The following EPHA3 variants were observed in gnomAD, a reference collection of about 807,000 sequenced individuals.
EPHA3 encodes the protein EPH receptor A3.
A neutral mutation model predicts 107.1 loss-of-function variants in EPHA3; 42 were observed. The observed-to-expected ratio is 0.39, with a 90% CI of 0.31 to 0.51. The LOEUF (loss-of-function observed/expected upper bound fraction) is 0.51. Ranked by LOEUF, EPHA3 falls within the 20% of genes least tolerant of loss-of-function variation. The probability of loss-of-function intolerance (pLI) is 0.78; values close to 1 mark genes in which losing one functional copy is unlikely to be tolerated. For missense variants in EPHA3, 1,183 were observed against 1,211.2 expected, an observed-to-expected ratio of 0.98 and a Z score of 0.35; for synonymous variants, 461 against 424.8, an observed-to-expected ratio of 1.09 and a Z score of -1.05.
intron 2 of EPHA3, among the ~76,000 whole-genome samples, chr3:89,140,934 A>T (rs1054788636): frequency 6.6e-6 from 1 of 151,700 alleles, no homozygotes; most frequent in African/African-American, 2.4e-5. Context: ...CTAAAGGGCT[A>T]TATACTATTC....
At position 89,480,715 on chromosome 3, in the gene EPHA3, G is replaced by T; in HGVS notation, c.*1213G>T. 1 of 232,658 alleles carries T rather than the reference G, an allele frequency of 4.3e-6. No individual in the cohort carries two copies. The highest frequency in any genetic ancestry group is 8.5e-6 in the Non-Finnish European group (1 of 117,476). 14.4% of individuals were successfully genotyped at this position (232,658 alleles called of 1,614,324 possible). A position where few individuals can be genotyped will look rare whatever the true frequency, so the allele number is the denominator to read the frequency against. ...CTGTTTATAGAGAATGATGATAACA[G>T]AACTTTTCCTCTGTATCACTGGTGT... On this transcript the variant is annotated 3_prime_UTR_variant, in exon 17 of 17. Coordinates refer to ENST00000336596, the MANE Select transcript of EPHA3 (RefSeq NM_005233.6).
chr3:89,280,019 G>A (rs1057406253), intron 3 of EPHA3, among the ~76,000 whole-genome samples: 33 of 144,638 alleles, frequency 2.3e-4, no homozygotes, highest in African/African-American at 8.3e-4. Context: ...CAATTCTTGT[G>A]TGCACCTGTG....
At chr3:89,439,633 T>A (rs909130150) in intron 13 of EPHA3, among the ~76,000 whole-genome samples, 27 of 151,874 alleles carry the variant, frequency 1.8e-4, no homozygotes, top group African/African-American at 6.0e-4. Context: ...TTAGAGATTT[T>A]AAAAACTGGA....
chr3:89,234,701 T>G (rs1176530380), intron 3 of EPHA3, among the ~76,000 whole-genome samples: 2 of 151,268 alleles, frequency 1.3e-5, no homozygotes, highest in African/African-American at 2.4e-5. Context: ...TTTCCTTCCT[T>G]CTTTCCCCCT....
At chr3:89,330,668 T>C (rs1020340300) in intron 3 of EPHA3, among the ~76,000 whole-genome samples, 1 of 152,158 alleles carries the variant, frequency 6.6e-6, no homozygotes, top group Non-Finnish European at 1.5e-5. Context: ...TTCCAGTTTG[T>C]CATCTTTTAT....
rs1704174919 is a variant in EPHA3, at chr3:89,214,305, T to C, written c.814+3785T>C. On this transcript the variant is annotated intron_variant, in intron 3 of 16. Coordinates refer to ENST00000336596, the MANE Select transcript of EPHA3 (RefSeq NM_005233.6). Reference sequence around the variant, plus strand: ...GGCTTCAAAATGGCCAGTGGATGTATTGCTTAGTCCACTGCACAATATACA... The same window carrying C: ...GGCTTCAAAATGGCCAGTGGATGTACTGCTTAGTCCACTGCACAATATACA... 2.0e-5 allele frequency among the ~76,000 whole-genome samples: 3 copies of C among 152,064 alleles called. No individual in the cohort carries two copies. The South Asian group carries it at 6.2e-4, about 32-fold the overall frequency.
intron 5 of EPHA3, among the ~76,000 whole-genome samples, chr3:89,374,259 A>C (rs2107475239): frequency 6.6e-6 from 1 of 152,074 alleles, no homozygotes; most frequent in Middle Eastern, 3.4e-3. Context: ...AGAGGAATTA[A>C]ATGGGTCCTT....
At chr3:89,375,913 A>C (rs770386171) in intron 5 of EPHA3, among the ~76,000 whole-genome samples, 1 of 151,808 alleles carries the variant, frequency 6.6e-6, no homozygotes, top group Non-Finnish European at 1.5e-5. Flanking sequence ...AAGAAATCCA[A>C]CTCTAGCAAT....
intron 1 of EPHA3, among the ~76,000 whole-genome samples, chr3:89,114,190 T>A (rs1378836854): frequency 6.6e-6 from 1 of 152,184 alleles, no homozygotes; most frequent in East Asian, 1.9e-4. Context: ...CCTTTCTTCT[T>A]CTTCGCCTTA....
chr3:89,400,076 C>A, intron 7 of EPHA3: 2 of 1,020,092 alleles, frequency 2.0e-6, no homozygotes, highest in Non-Finnish European at 2.4e-6. Context: ...TTTCTTCATA[C>A]TTAAAAAAGC....
chr3:89,480,597 AG>A lies in EPHA3; in HGVS notation c.*1096del, dbSNP rs547569392. 442 of 232,256 alleles carry A rather than the reference AG, an allele frequency of 1.9e-3. No homozygotes were observed. The highest frequency in any genetic ancestry group is 2.6e-3 in the Non-Finnish European group (305 of 117,356). The allele number at this position is 232,256 out of a possible 1,614,324, so 14.4% of individuals were successfully genotyped here. On this transcript the variant is annotated 3_prime_UTR_variant, in exon 17 of 17. Transcript: ENST00000336596. ...AGAATGCTGCACTAATTGACAACACAGCCTATAGGCCAATGCATGAGTAAAA... is the reference window on the plus strand; with the variant it reads ...AGAATGCTGCACTAATTGACAACACACCTATAGGCCAATGCATGAGTAAAA...
intron 8 of EPHA3, among the ~76,000 whole-genome samples, chr3:89,407,721 G>T (rs1460841263): frequency 6.6e-6 from 1 of 151,978 alleles, no homozygotes; most frequent in Non-Finnish European, 1.5e-5. Context: ...GGGTAACACT[G>T]CACAGCACTA....
intron 3 of EPHA3, among the ~76,000 whole-genome samples, chr3:89,247,484 C>T (rs1329470065): frequency 6.6e-6 from 1 of 152,048 alleles, no homozygotes; most frequent in Non-Finnish European, 1.5e-5. Context: ...GGAGCTTTAA[C>T]TTTATTTATG....
intron 2 of EPHA3, among the ~76,000 whole-genome samples, chr3:89,150,131 G>A (rs890358613): frequency 4.6e-5 from 7 of 151,864 alleles, no homozygotes; most frequent in African/African-American, 1.7e-4. Context: ...AACGGATATT[G>A]ATTTCATGCT....
At chr3:89,302,311 T>A (rs1350766873) in intron 3 of EPHA3, among the ~76,000 whole-genome samples, 2 of 152,290 alleles carry the variant, frequency 1.3e-5, no homozygotes, top group East Asian at 3.9e-4. Flanking sequence ...TACTTACAGT[T>A]CCTTTCCCTT....
chr3:89,365,398 CACTT>C (rs1205671947), intron 5 of EPHA3, among the ~76,000 whole-genome samples: 1 of 150,590 alleles, frequency 6.6e-6, no homozygotes, highest in African/African-American at 2.4e-5. Context: ...AGTGGACACA[CACTT>C]ACATTTCCAA....
intron 2 of EPHA3, among the ~76,000 whole-genome samples, chr3:89,144,945 A>C (rs1704504077): frequency 6.6e-6 from 1 of 151,780 alleles, no homozygotes; most frequent in Non-Finnish European, 1.5e-5. Context: ...AATAACAATC[A>C]TATCGTTCTT....
intron 5 of EPHA3, among the ~76,000 whole-genome samples, chr3:89,350,677 G>A (rs1203778619): frequency 2.6e-5 from 4 of 151,062 alleles, no homozygotes; most frequent in African/African-American, 9.7e-5. Context: ...CGTTCCTTTG[G>A]AGGAGGAGAG....
chr3:89,277,601 A>C (rs1705839504), intron 3 of EPHA3, among the ~76,000 whole-genome samples: 1 of 152,116 alleles, frequency 6.6e-6, no homozygotes, highest in Non-Finnish European at 1.5e-5. Context: ...GGGGTAGCAT[A>C]CTCTGGCCTG....
Sources: allele counts gnomAD v4.1 joint callset (sites outside exome capture counted in the v4.1 genomes callset), GRCh38; gene constraint gnomAD v4.1.1; transcripts MANE v1.5; gene names NCBI Gene and HGNC (gene_info 2026-07-23, HGNC 2026-07-21).